The following ZNF469 variants were observed in gnomAD, a reference collection of about 807,000 sequenced individuals.
ZNF469 encodes zinc finger protein 469.
Under a neutral mutation model 1.0 loss-of-function variants are expected in ZNF469, and 1 was observed. That is an observed-to-expected ratio of 1.00 (90% CI 0.35 to 4.73). The LOEUF is 4.73. Ranked by LOEUF, ZNF469 falls within the 30% of genes most tolerant of loss-of-function variation. The pLI is 0.16. For missense variants in ZNF469, 6,100 were observed against 5,356.3 expected, an observed-to-expected ratio of 1.14 and a Z score of -4.33; for synonymous variants, 2,703 against 2,363.4, an observed-to-expected ratio of 1.14 and a Z score of -4.17.
the ZNF469 span, among the ~76,000 whole-genome samples, chr16:88,373,844 A>G: frequency 6.6e-5 from 10 of 152,260 alleles, no homozygotes; most frequent in South Asian, 2.1e-3. Context: ...TAAATATACA[A>G]AAATTAGCTG....
At chr16:88,158,254 T>G in the ZNF469 span, among the ~76,000 whole-genome samples, 5 of 128,060 alleles carry the variant, frequency 3.9e-5, no homozygotes, top group Admixed American at 7.9e-5. Context: ...AGATGGGAGG[T>G]GGGGGCTGGG....
At chr16:88,305,083 A>C in the ZNF469 span, among the ~76,000 whole-genome samples, 1 of 152,180 alleles carries the variant, frequency 6.6e-6, no homozygotes, top group African/African-American at 2.4e-5. Context: ...GAGCAAATGC[A>C]GTGATGGGCA....
At chr16:88,175,548 G>A in the ZNF469 span, among the ~76,000 whole-genome samples, 1 of 152,188 alleles carries the variant, frequency 6.6e-6, no homozygotes, top group East Asian at 1.9e-4. Context: ...GATGTCTGGA[G>A]ACTACCTAAA....
the ZNF469 span, among the ~76,000 whole-genome samples, chr16:88,221,882 C>A: frequency 6.6e-6 from 1 of 152,162 alleles, no homozygotes; most frequent in Non-Finnish European, 1.5e-5. Context: ...ATTTTCTCTT[C>A]TAAGAACACT....
the ZNF469 span, among the ~76,000 whole-genome samples, chr16:88,141,120 C>T: frequency 6.6e-6 from 1 of 152,262 alleles, no homozygotes; most frequent in African/African-American, 2.4e-5. Context: ...ACAATAAATT[C>T]TGTGCAGATA....
At chr16:88,367,449 T>A in the ZNF469 span, among the ~76,000 whole-genome samples, 2 of 152,234 alleles carry the variant, frequency 1.3e-5, no homozygotes, top group Admixed American at 6.5e-5. Context: ...CCAGGATAGC[T>A]GATGAAGGTC....
chr16:88,216,493 CAAAA>C, the ZNF469 span, among the ~76,000 whole-genome samples: 3 of 136,638 alleles, frequency 2.2e-5, no homozygotes, highest in Non-Finnish European at 3.1e-5. Context: ...GACTCCGTCT[CAAAA>C]AAAAAAAAAA....
At chr16:88,346,770 C>T in the ZNF469 span, among the ~76,000 whole-genome samples, 25 of 152,342 alleles carry the variant, frequency 1.6e-4, no homozygotes, top group African/African-American at 5.8e-4. Context: ...GGGAGATGGG[C>T]GGCCCTGTGT....
the ZNF469 span, among the ~76,000 whole-genome samples, chr16:88,251,905 C>G: frequency 2.0e-5 from 3 of 151,450 alleles, no homozygotes; most frequent in Non-Finnish European, 1.5e-5. Flanking sequence ...AAGCCTGAAT[C>G]CTGGAGATTT....
At chr16:88,297,136 T>C in the ZNF469 span, among the ~76,000 whole-genome samples, 1 of 152,244 alleles carries the variant, frequency 6.6e-6, no homozygotes, top group African/African-American at 2.4e-5. Flanking sequence ...CTTTCGGCTC[T>C]AGCCTCGAAA....
the ZNF469 span, among the ~76,000 whole-genome samples, chr16:88,301,713 C>T: frequency 6.6e-6 from 1 of 152,218 alleles, no homozygotes; most frequent in African/African-American, 2.4e-5. Context: ...TGGGGCAGGG[C>T]CAGCTTTGTC....
At chr16:88,194,896 G>C in the ZNF469 span, 1 of 152,478 alleles carries the variant, frequency 6.6e-6, no homozygotes, top group Middle Eastern at 3.4e-3. Flanking sequence ...GGGAATCGGT[G>C]GGGCTGGTCC....
chr16:88,186,574 ACGAAGAGGC>A, the ZNF469 span, among the ~76,000 whole-genome samples: 1 of 151,924 alleles, frequency 6.6e-6, no homozygotes, highest in African/African-American at 2.4e-5. Flanking sequence ...ACCCGCAGGG[ACGAAGAGGC>A]CGAACACAGC....
chr16:88,126,015 C>T, the ZNF469 span, among the ~76,000 whole-genome samples: 1 of 151,176 alleles, frequency 6.6e-6, no homozygotes, highest in Non-Finnish European at 1.5e-5. Context: ...ATGGTGAAAC[C>T]CCGTCTTTAC....
chr16:88,110,945 T>C, the ZNF469 span, among the ~76,000 whole-genome samples: 1 of 152,206 alleles, frequency 6.6e-6, no homozygotes, highest in Non-Finnish European at 1.5e-5. Context: ...GGGCCAGCAA[T>C]GGCACAGTGT....
the ZNF469 span, among the ~76,000 whole-genome samples, chr16:88,275,151 C>T: frequency 1.3e-5 from 2 of 152,110 alleles, no homozygotes; most frequent in East Asian, 1.9e-4. Flanking sequence ...ACAGTGGAGA[C>T]GGGAGCCTGC....
chr16:88,403,033 A>G lies in ZNF469; in HGVS notation c.-192+19779A>G, dbSNP rs556956334. On this transcript the variant is annotated intron_variant, in intron 1 of 2. Coordinates refer to ENST00000565624, the MANE Select transcript of ZNF469 (RefSeq NM_001367624.2). ...GCATACCAGAGTGTGGACGCGTGGGAGACATGGTGCATCCAGGCACTTTTA... is the reference window on the plus strand; with the variant it reads ...GCATACCAGAGTGTGGACGCGTGGGGGACATGGTGCATCCAGGCACTTTTA... Among the ~76,000 whole-genome samples, 11 of 152,304 alleles carry G rather than the reference A, an allele frequency of 7.2e-5. No individual in the cohort carries two copies. The South Asian group carries it at 2.3e-3, about 32-fold the overall frequency.
chr16:88,357,883 T>C, the ZNF469 span, among the ~76,000 whole-genome samples: 2 of 152,208 alleles, frequency 1.3e-5, no homozygotes, highest in South Asian at 2.1e-4. Context: ...TGGCAGGGCC[T>C]GTTGGGAGGA....
the ZNF469 span, among the ~76,000 whole-genome samples, chr16:88,290,284 T>A: frequency 6.6e-6 from 1 of 152,254 alleles, no homozygotes; most frequent in Non-Finnish European, 1.5e-5. Context: ...GCCCTTGATC[T>A]CAAAGTTGTC....
Sources: allele counts gnomAD v4.1 joint callset (sites outside exome capture counted in the v4.1 genomes callset), GRCh38; gene constraint gnomAD v4.1.1; transcripts MANE v1.5; gene names NCBI Gene and HGNC (gene_info 2026-07-23, HGNC 2026-07-21).